The following CNTN5 variants were observed in gnomAD, a reference collection of about 807,000 sequenced individuals.
CNTN5 encodes contactin 5.
Under a neutral mutation model 129.1 loss-of-function variants are expected in CNTN5, and 77 were observed. That is an observed-to-expected ratio of 0.60 (90% CI 0.50 to 0.72). CNTN5 has a LOEUF of 0.72. Among genes scored for constraint, CNTN5 ranks in the 30% least tolerant of loss-of-function variants. CNTN5 has a pLI of 0.00. For synonymous variants in CNTN5, 509 were observed against 465.6 expected (o/e 1.09, Z -1.20); for missense variants, 1,478 against 1,328.8 (o/e 1.11, Z -1.75).
At chr11:99,713,714 T>C (rs651305) in intron 3 of CNTN5, among the ~76,000 whole-genome samples, 117,195 of 151,848 alleles carry the variant, frequency 0.77, 45,477 homozygotes, top group Middle Eastern at 0.86. Flanking sequence ...AGGAAAACAA[T>C]AGAAATACTT....
rs748007333 is a variant in CNTN5, at chr11:99,844,644, G to T, written c.278-208G>T. On this transcript the variant is annotated intron_variant, in intron 4 of 24. Transcript: ENST00000524871. ...TTTTTTATGTATTACACGTTTAACA[G>T]CATTTTTAGTTGATTAAAAATTATA... 22 of 548,808 alleles carry T rather than the reference G, an allele frequency of 4.0e-5. No homozygotes were observed. Among genetic ancestry groups the T allele is most frequent in the Non-Finnish European group, 6.7e-5 (21 of 311,124 alleles). 34.0% of individuals were successfully genotyped at this position (548,808 alleles called of 1,614,324 possible).
chr11:99,284,864 A>T (rs901075478), intron 1 of CNTN5, among the ~76,000 whole-genome samples: 5 of 152,110 alleles, frequency 3.3e-5, no homozygotes, highest in African/African-American at 1.2e-4. Context: ...TATAGATATC[A>T]TATAGGAAAG....
intron 1 of CNTN5, among the ~76,000 whole-genome samples, chr11:99,240,464 T>A (rs1351896035): frequency 1.3e-5 from 2 of 152,102 alleles, no homozygotes; most frequent in African/African-American, 4.8e-5. Context: ...ACATTTGTGT[T>A]TTTTCCACAA....
chr11:99,776,774 G>A (rs1303956267), intron 3 of CNTN5, among the ~76,000 whole-genome samples: 2 of 150,138 alleles, frequency 1.3e-5, no homozygotes, highest in African/African-American at 4.9e-5. Flanking sequence ...TATCTTATAG[G>A]AAACTCAATG....
At position 100,093,033 on chromosome 11, in the gene CNTN5, C is replaced by T. The variant is rs77737385; in HGVS notation, c.1580+18739C>T. ...CATGGGTCATTTATATGTACATGAGCCTCTTCAGCAGCAATATACAGTATC... is the reference window on the plus strand; with the variant it reads ...CATGGGTCATTTATATGTACATGAGTCTCTTCAGCAGCAATATACAGTATC... On this transcript the variant is annotated intron_variant, in intron 13 of 24. Coordinates refer to ENST00000524871, the MANE Select transcript of CNTN5 (RefSeq NM_014361.4). Among the ~76,000 whole-genome samples the T allele has an allele frequency of 8.1e-3, 1,236 of 152,166 alleles. 24 individuals carry two copies. Among genetic ancestry groups the T allele is most frequent in the African/African-American group, 0.028 (1,170 of 41,538 alleles).
chr11:99,061,634 T>C (rs1864883506), intron 1 of CNTN5, among the ~76,000 whole-genome samples: 1 of 152,124 alleles, frequency 6.6e-6, no homozygotes, highest in Non-Finnish European at 1.5e-5. Context: ...TAAAAGAAGA[T>C]GGTATAGACT....
At position 100,272,540 on chromosome 11, in the gene CNTN5, G is replaced by GA. The variant is rs202175680; in HGVS notation, c.2314+1308dup. On this transcript the variant is annotated intron_variant, in intron 18 of 24. Transcript: ENST00000524871. ...GAGGAAGGGAGGGAGGGAAAAGAAA[G>GA]AAAAAAAAATCCCAAGATGGCCCAC... Among the ~76,000 whole-genome samples, 310 of 150,978 alleles carry GA rather than the reference G, an allele frequency of 2.1e-3. 11 individuals are homozygous for GA. The East Asian group carries it at 0.035, about 17-fold the overall frequency.
At chr11:99,576,218 C>T (rs905564436) in intron 3 of CNTN5, among the ~76,000 whole-genome samples, 1 of 152,136 alleles carries the variant, frequency 6.6e-6, no homozygotes, top group African/African-American at 2.4e-5. Context: ...CTAGGCAGAG[C>T]TGGATATATT....
intron 1 of CNTN5, among the ~76,000 whole-genome samples, chr11:99,182,393 T>C (rs1256337789): frequency 6.6e-6 from 1 of 152,170 alleles, no homozygotes; most frequent in Non-Finnish European, 1.5e-5. Context: ...TTCATTAAAG[T>C]AATAGTTCCA....
At chr11:99,708,482 A>C (rs1032102360) in intron 3 of CNTN5, among the ~76,000 whole-genome samples, 6 of 151,778 alleles carry the variant, frequency 4.0e-5, no homozygotes, top group Non-Finnish European at 7.4e-5. Flanking sequence ...TAAAAATATA[A>C]AAGTCGACAG....
At chr11:99,457,378 T>A (rs1250837007) in intron 2 of CNTN5, among the ~76,000 whole-genome samples, 1 of 151,866 alleles carries the variant, frequency 6.6e-6, no homozygotes, top group Non-Finnish European at 1.5e-5. Flanking sequence ...GTAGTAGCTG[T>A]CAATAGAATT....
intron 3 of CNTN5, among the ~76,000 whole-genome samples, chr11:99,709,108 C>G (rs893474104): frequency 6.6e-6 from 1 of 151,842 alleles, no homozygotes; most frequent in Admixed American, 6.6e-5. Flanking sequence ...TAGCTAAGCT[C>G]ATTAGCACAT....
intron 3 of CNTN5, among the ~76,000 whole-genome samples, chr11:99,628,633 C>CACAT (rs1951221711): frequency 1.3e-5 from 2 of 150,544 alleles, no homozygotes; most frequent in Non-Finnish European, 3.0e-5. Flanking sequence ...CACACACACA[C>CACAT]ACACACACAC....
intron 10 of CNTN5, among the ~76,000 whole-genome samples, chr11:100,061,714 T>C (rs896875363): frequency 2.0e-5 from 3 of 152,146 alleles, no homozygotes; most frequent in Non-Finnish European, 2.9e-5. Flanking sequence ...ATTCTACAAC[T>C]TGGCCAGAAT....
At chr11:100,288,174 C>G (rs1358720905) in intron 18 of CNTN5, among the ~76,000 whole-genome samples, 1 of 152,238 alleles carries the variant, frequency 6.6e-6, no homozygotes. Flanking sequence ...CTTTAACAAC[C>G]CACTGTCAAC....
At chr11:99,312,483 T>A (rs1487259847) in intron 1 of CNTN5, among the ~76,000 whole-genome samples, 1 of 152,164 alleles carries the variant, frequency 6.6e-6, no homozygotes, top group East Asian at 1.9e-4. Context: ...AAATACAATT[T>A]TTTCTCCGAA....
chr11:99,523,672 A>G (rs1416039198), intron 2 of CNTN5, among the ~76,000 whole-genome samples: 1 of 67,984 alleles, frequency 1.5e-5, no homozygotes, highest in Non-Finnish European at 2.9e-5. Context: ...ATCAGAACAG[A>G]ACAGAACAGA....
chr11:99,857,939 TGTTAA>T (rs895263408), intron 6 of CNTN5, among the ~76,000 whole-genome samples: 3 of 152,238 alleles, frequency 2.0e-5, no homozygotes, highest in Admixed American at 1.3e-4. Flanking sequence ...CAACAAAACG[TGTTAA>T]GTTTTTTGAA....
intron 2 of CNTN5, among the ~76,000 whole-genome samples, chr11:99,422,636 GAGA>G (rs1339802450): frequency 1.3e-5 from 2 of 150,244 alleles, no homozygotes; most frequent in African/African-American, 4.9e-5. Flanking sequence ...GTAAAACAAA[GAGA>G]GTGTAGAAGC....
Sources: allele counts gnomAD v4.1 joint callset (sites outside exome capture counted in the v4.1 genomes callset), GRCh38; gene constraint gnomAD v4.1.1; transcripts MANE v1.5; gene names NCBI Gene and HGNC (gene_info 2026-07-23, HGNC 2026-07-21).